GLUL: variants seen among roughly 807,000 people sequenced by gnomAD.
The protein encoded by GLUL is glutamine synthetase.
Under a neutral mutation model 36.9 loss-of-function variants are expected in GLUL, and 8 were observed. The ratio of observed to expected loss-of-function variants is 0.22; its 90% CI spans 0.13 to 0.39. The LOEUF is 0.39. GLUL is among the 10% of genes least tolerant of loss of function. The pLI, the probability that GLUL is intolerant of heterozygous loss-of-function variation, is 1.00. For synonymous variants in GLUL, 182 were observed against 172.8 expected, an observed-to-expected ratio of 1.05 and a Z score of -0.42; for missense variants, 315 against 501.8, an observed-to-expected ratio of 0.63 and a Z score of 3.56.
At chr1:182,385,336 G>A (rs1219469270) in intron 6 of GLUL, 21 bp downstream of exon 6, 1 of 1,571,878 alleles carries the variant, frequency 6.4e-7, no homozygotes, top group South Asian at 1.1e-5. Flanking sequence ...ATTAAAGATG[G>A]CCCCAGCAGA....
At chr1:182,391,044 G>A in intron 1 of GLUL, 1 of 397,320 alleles carries the variant, frequency 2.5e-6, no homozygotes, top group Non-Finnish European at 4.4e-6. Flanking sequence ...TAGGGACTGC[G>A]CGCTGCTGCT....
intron 6 of GLUL, 27 bp from the exon 7 acceptor site, chr1:182,384,750 C>T: frequency 6.4e-7 from 1 of 1,557,744 alleles, no homozygotes; most frequent in South Asian, 1.1e-5. Context: ...AGATGGCAGT[C>T]CAACCTTGTC....
chr1:182,382,138 A>G lies in GLUL; in HGVS notation c.*2267T>C, dbSNP rs1649954256. On this transcript the variant is annotated 3_prime_UTR_variant, in exon 7 of 7. Coordinates refer to ENST00000331872, the MANE Select transcript of GLUL (RefSeq NM_001033044.4). ...CTTTTAAAAACAATCACTATTGCCCACATTATTAGTAGTATTAATGCTATT... is the reference window on the plus strand; with the variant it reads ...CTTTTAAAAACAATCACTATTGCCCGCATTATTAGTAGTATTAATGCTATT... 6.6e-6 allele frequency: 1 copy of G among 152,186 alleles called. No individual in the cohort carries two copies. Among genetic ancestry groups the G allele is most frequent in the Non-Finnish European group, 1.5e-5 (1 of 68,034 alleles). The allele number at this position is 152,186 out of a possible 1,614,324, so 9.4% of individuals were successfully genotyped here.
In GLUL at chr1:182,384,048, T is replaced by C. The variant is rs1009767704; in HGVS notation, c.*357A>G. 1.9e-5 allele frequency: 6 copies of C among 315,986 alleles called. No homozygotes were observed. The Admixed American group carries it at 2.6e-4, about 14-fold the overall frequency. 19.6% of individuals were successfully genotyped at this position (315,986 alleles called of 1,614,324 possible). On this transcript the variant is annotated 3_prime_UTR_variant, in exon 7 of 7. Coordinates refer to ENST00000331872, the MANE Select transcript of GLUL (RefSeq NM_001033044.4). ...GTACGTCAGGTCTTCCCCTTTCAGC[T>C]ACCTGGAAGAAGAGACCCCCTTCTG...
rs8527 is a variant in GLUL at position 182,383,585 on chromosome 1, C to T, written c.*820G>A. ...CTAATCCCAGATCACCATCTAAGAA[C>T]CACTTCCCTTGCTCTCTACTCAAAA... On this transcript the variant is annotated 3_prime_UTR_variant, in exon 7 of 7. Transcript: ENST00000331872. The T allele has an allele frequency of 3.5e-4, 54 of 152,310 alleles. No individual in the cohort carries two copies. The highest frequency in any genetic ancestry group is 1.2e-3 in the African/African-American group (50 of 41,564). 9.4% of individuals were successfully genotyped at this position (152,310 alleles called of 1,614,324 possible). A position where few individuals can be genotyped will look rare whatever the true frequency, so the allele number is the denominator to read the frequency against.
intron 2 of GLUL, 91 bp downstream of exon 2, chr1:182,388,481 G>A (rs1571409736): frequency 1.8e-6 from 2 of 1,110,136 alleles, no homozygotes; most frequent in East Asian, 4.7e-5. Context: ...ACAGAAGAAA[G>A]AGGCCTAATC....
chr1:182,391,782 C>G lies in GLUL; in HGVS notation c.-117G>C, dbSNP rs1383552763. On this transcript the variant is annotated 5_prime_UTR_variant, in exon 1 of 7. Coordinates refer to ENST00000331872, the MANE Select transcript of GLUL (RefSeq NM_001033044.4). ...TCACACGCTCCGCTCTTCTCCCACTCTCGACTCTGCAGAGCCGCCAGCAGC... is the reference window on the plus strand; with the variant it reads ...TCACACGCTCCGCTCTTCTCCCACTGTCGACTCTGCAGAGCCGCCAGCAGC... 6.6e-6 allele frequency: 1 copy of G among 152,452 alleles called. No homozygotes were observed. The highest frequency in any genetic ancestry group is 1.5e-5 in the Non-Finnish European group (1 of 68,260). The allele number at this position is 152,452 out of a possible 1,614,324, so 9.4% of individuals were successfully genotyped here.
Position 182,378,443 on chromosome 1 carries a change from G to A in GLUL, c.*5962C>T, listed in dbSNP as rs753837015. ...AAATATTTATTAATTGACAGTGTCC[G>A]ACAACCTCCTGTCCATAAAGCATGG... On this transcript the variant is annotated 3_prime_UTR_variant, in exon 7 of 7. Coordinates refer to ENST00000331872, the MANE Select transcript of GLUL (RefSeq NM_001033044.4). Among the ~76,000 whole-genome samples, 4 of 152,188 alleles carry A rather than the reference G, an allele frequency of 2.6e-5. No individual in the cohort carries two copies. Among genetic ancestry groups the A allele is most frequent in the Non-Finnish European group, 5.9e-5 (4 of 68,036 alleles).
chr1:182,390,299 A>G, intron 1 of GLUL: 1 of 392,636 alleles, frequency 2.5e-6, no homozygotes, highest in Non-Finnish European at 4.5e-6. Flanking sequence ...AATATCATGC[A>G]CACTTTGTCC....
At chr1:182,391,003 G>A (rs1427192672) in intron 1 of GLUL, 2 of 397,062 alleles carry the variant, frequency 5.0e-6, no homozygotes, top group Non-Finnish European at 4.4e-6. Context: ...GAGGGGTTGG[G>A]GGGTCCGGGG....
intron 1 of GLUL, chr1:182,391,476 C>T: frequency 2.7e-6 from 1 of 368,672 alleles, no homozygotes; most frequent in East Asian, 3.9e-5. Flanking sequence ...CCAGCGCCAG[C>T]CCCGACGGGT....
Position 182,382,099 on chromosome 1 carries a change from T to TA in GLUL, c.*2305dup, listed in dbSNP as rs1407780450. The TA allele has an allele frequency of 3.3e-5, 5 of 152,214 alleles. No individual in the cohort carries two copies. Among genetic ancestry groups the TA allele is most frequent in the African/African-American group, 1.2e-4 (5 of 41,454 alleles). 9.4% of individuals were successfully genotyped at this position (152,214 alleles called of 1,614,324 possible). A position where few individuals can be genotyped will look rare whatever the true frequency, so the allele number is the denominator to read the frequency against. On this transcript the variant is annotated 3_prime_UTR_variant, in exon 7 of 7. Transcript: ENST00000331872. ...ACAGGCCCCAGCTACCTCGCACTGG[T>TA]AAGAGTATACTGCCTTTTAAAAACA...
In GLUL at chr1:182,385,811, C is replaced by A; in HGVS notation, c.552G>T (p.Leu184Phe). The change falls in exon 5 of 7, where the codon TTG becomes TTT. Residue 184 changes from leucine to phenylalanine, a missense_variant. Leu to Phe is a conservative substitution (Grantham distance 22, BLOSUM62 0). This residue lies in a region of GLUL where 256 missense variants were observed against 396.1 expected (regional missense o/e 0.65). Coordinates refer to ENST00000331872, the MANE Select transcript of GLUL (RefSeq NM_001033044.4). The stretch of plus-strand genomic sequence containing the variant: ...TCCCCGCAATCTTGACTCCAGCATA[C>A]AAGCAGGCCCGGTAATGGGCCTCCA... ...DIVEAHYRAC[L>F]YAGVKIAGTN... is the part of the protein sequence containing the mutation. 6.2e-7 allele frequency: 1 copy of A among 1,614,148 alleles called. No individual in the cohort carries two copies. Among genetic ancestry groups the A allele is most frequent in the Non-Finnish European group, 8.5e-7 (1 of 1,179,988 alleles).
chr1:182,379,051 G>C lies in GLUL; in HGVS notation c.*5354C>G, dbSNP rs373183651. On this transcript the variant is annotated 3_prime_UTR_variant, in exon 7 of 7. Transcript: ENST00000331872. ...CCCACTTTGGCCTCCTACAGTGATG[G>C]GATTACAGGCTTGAGCCACCATGCC... 3.9e-5 allele frequency among the ~76,000 whole-genome samples: 6 copies of C among 152,250 alleles called. No homozygotes were observed. The East Asian group carries it at 1.2e-3, about 29-fold the overall frequency.
In GLUL at chr1:182,384,276, C is replaced by T. The variant is rs886045616; in HGVS notation, c.*129G>A. On this transcript the variant is annotated 3_prime_UTR_variant, in exon 7 of 7. Transcript: ENST00000331872. ...AACAAAGAAAGCAAGATTAACTGGG[C>T]ACATGGAATGAAAAAAACGACCTTG... The T allele has an allele frequency of 3.0e-5, 22 of 730,554 alleles. No homozygotes were observed. The highest frequency in any genetic ancestry group is 1.5e-4 in the South Asian group (10 of 66,972). The allele number at this position is 730,554 out of a possible 1,614,324, so 45.3% of individuals were successfully genotyped here.
Position 182,383,068 on chromosome 1 carries a change from A to G in GLUL, c.*1337T>C, listed in dbSNP as rs1650006256. 3 of 152,202 alleles carry G rather than the reference A, an allele frequency of 2.0e-5. No homozygotes were observed. In the South Asian group the frequency reaches 6.2e-4, roughly 32 times the overall value. 9.4% of individuals were successfully genotyped at this position (152,202 alleles called of 1,614,324 possible). On this transcript the variant is annotated 3_prime_UTR_variant, in exon 7 of 7. Transcript: ENST00000331872. ...CAAGAACCAGAAAATGGTAGATGAA[A>G]TGAAGGAATAAAGGTGGGGTTTATT...
At position 182,380,683 on chromosome 1, in the gene GLUL, A is replaced by C. The variant is rs996440313; in HGVS notation, c.*3722T>G. ...TACAGTCAAACAACAAAGACCTCAT[A>C]GAGTTAAAGCTCACAAAACTGATAC... On this transcript the variant is annotated 3_prime_UTR_variant, in exon 7 of 7. Coordinates refer to ENST00000331872, the MANE Select transcript of GLUL (RefSeq NM_001033044.4). Among the ~76,000 whole-genome samples the C allele has an allele frequency of 6.6e-6, 1 of 152,214 alleles. No individual in the cohort carries two copies. The highest frequency in any genetic ancestry group is 2.4e-5 in the African/African-American group (1 of 41,462).
chr1:182,384,443 TGAG>T lies in GLUL; in HGVS notation c.1081_1083del (p.Leu361del). On this transcript the variant is annotated inframe_deletion, in exon 7 of 7. Coordinates refer to ENST00000331872, the MANE Select transcript of GLUL (RefSeq NM_001033044.4). Reference sequence around the variant, plus strand: ...TGGAAGGGCTCATCGCCGGTTTCATTGAGAAGACACGTGCGGATGAGGGCTTCT... The same window carrying T: ...TGGAAGGGCTCATCGCCGGTTTCATTAAGACACGTGCGGATGAGGGCTTCT... The T allele has an allele frequency of 6.2e-7, 1 of 1,613,820 alleles. No homozygotes were observed. Among genetic ancestry groups the T allele is most frequent in the Non-Finnish European group, 8.5e-7 (1 of 1,179,788 alleles).
In GLUL at chr1:182,381,464, A is replaced by G. The variant is rs935920543; in HGVS notation, c.*2941T>C. Among the ~76,000 whole-genome samples, 6 of 152,158 alleles carry G rather than the reference A, an allele frequency of 3.9e-5. No individual in the cohort carries two copies. On this transcript the variant is annotated 3_prime_UTR_variant, in exon 7 of 7. Coordinates refer to ENST00000331872, the MANE Select transcript of GLUL (RefSeq NM_001033044.4). The stretch of plus-strand genomic sequence containing the variant: ...GAAAGCTTGGTCATTATTCTGTTTA[A>G]TCTATCACTGATAAAAGTTATCACA...
Sources: gnomAD v4.1 joint callset for allele counts (sites outside exome capture counted in the v4.1 genomes callset) on GRCh38, gnomAD v4.1.1 for gene constraint, gnomAD v4.1.1 regional missense constraint, MANE v1.5 for transcripts, NCBI Gene and HGNC (gene_info 2026-07-23, HGNC 2026-07-21) for gene names.